The following IL17B variants were observed in gnomAD, a reference collection of about 807,000 sequenced individuals.
The protein encoded by IL17B is interleukin-17B.
A neutral mutation model predicts 14.7 loss-of-function variants in IL17B; 14 were observed. The observed-to-expected ratio is 0.95, with a 90% CI of 0.63 to 1.49. The LOEUF is 1.49. Among genes scored for constraint, IL17B ranks in the 40% most tolerant of loss-of-function variants. IL17B has a pLI of 0.00. For synonymous variants in IL17B, 105 were observed against 94.8 expected (o/e 1.11, Z -0.62); for missense variants, 233 against 252.8 (o/e 0.92, Z 0.53).
upstream of IL17B, among the ~76,000 whole-genome samples, chr5:149,380,815 G>C (rs890747541): frequency 6.6e-6 from 1 of 152,234 alleles, no homozygotes; most frequent in Non-Finnish European, 1.5e-5. Context: ...AGATTAATCT[G>C]TCCGGGGCAG....
At chr5:149,396,592 C>T (rs563638362) in intron 1 of IL17B, among the ~76,000 whole-genome samples, 17 of 152,114 alleles carry the variant, frequency 1.1e-4, no homozygotes, top group African/African-American at 4.1e-4. Flanking sequence ...CCCATCTCTA[C>T]AAAAAATACA....
chr5:149,392,713 T>C (rs1758995000), intron 1 of IL17B, among the ~76,000 whole-genome samples: 1 of 152,260 alleles, frequency 6.6e-6, no homozygotes, highest in African/African-American at 2.4e-5. Context: ...AGATATTATC[T>C]ATTCAAACAA....
chr5:149,392,473 A>G (rs2127621371), intron 1 of IL17B, among the ~76,000 whole-genome samples: 1 of 152,366 alleles, frequency 6.6e-6, no homozygotes, highest in African/African-American at 2.4e-5. Flanking sequence ...AGTAAGGTGC[A>G]TAAGAATGTG....
At chr5:149,378,894 C>T (rs1758614401) in intron 1 of IL17B, among the ~76,000 whole-genome samples, 1 of 152,212 alleles carries the variant, frequency 6.6e-6, no homozygotes, top group Admixed American at 6.5e-5. Flanking sequence ...CAAGGTCACA[C>T]AGCCAGGACC....
chr5:149,394,680 C>A (rs1246020318), intron 1 of IL17B, among the ~76,000 whole-genome samples: 1 of 152,214 alleles, frequency 6.6e-6, no homozygotes, highest in Non-Finnish European at 1.5e-5. Flanking sequence ...AGCTGGCCAA[C>A]TTTCACAATC....
rs762385908 is a variant in IL17B, at chr5:149,374,629, G to A, written c.312-29C>T. ...CAGGGAGCAGAAGAAAGAGCAGAGC[G>A]GAAGGTGATCAGGAAAGGGCCAGTC... On this transcript the variant is annotated intron_variant, in intron 2 of 2. Transcript: ENST00000261796. The surrounding 1 kb of genome is among the most constrained non-coding windows in gnomAD (Gnocchi z 5.0). 4.3e-5 allele frequency: 67 copies of A among 1,576,336 alleles called. No individual in the cohort carries two copies. The Admixed American group carries it at 4.8e-4, about 11-fold the overall frequency.
chr5:149,381,493 C>G (rs919029321), upstream of IL17B, among the ~76,000 whole-genome samples: 1 of 152,246 alleles, frequency 6.6e-6, no homozygotes, highest in African/African-American at 2.4e-5. Context: ...ACTCCGTCTC[C>G]TAAGTCATTC....
intron 1 of IL17B, among the ~76,000 whole-genome samples, chr5:149,377,569 G>A (rs950373020): frequency 1.3e-5 from 2 of 152,150 alleles, no homozygotes; most frequent in Middle Eastern, 3.2e-3. Flanking sequence ...TGTCCCCATC[G>A]CTGCCCTTCT....
chr5:149,394,275 GCTTTCTAA>G (rs1374796490), intron 1 of IL17B, among the ~76,000 whole-genome samples: 1 of 152,146 alleles, frequency 6.6e-6, no homozygotes, highest in Non-Finnish European at 1.5e-5. Flanking sequence ...TGTGCACCCA[GCTTTCTAA>G]CTGCGGCCAT....
At chr5:149,379,444 G>A (rs1479151953), upstream of IL17B, among the ~76,000 whole-genome samples, 2 of 152,234 alleles carry the variant, frequency 1.3e-5, no homozygotes, top group African/African-American at 4.8e-5. Context: ...GGGCAGGCCA[G>A]GAGCCGAGCT....
chr5:149,392,978 G>A (rs772901028), intron 1 of IL17B, among the ~76,000 whole-genome samples: 32 of 143,068 alleles, frequency 2.2e-4, no homozygotes, highest in African/African-American at 5.6e-4. Context: ...GCGCGCGTGC[G>A]TGTGTGTGTG....
intron 1 of IL17B, among the ~76,000 whole-genome samples, chr5:149,386,756 T>C (rs1758834852): frequency 6.6e-6 from 1 of 152,082 alleles, no homozygotes; most frequent in East Asian, 1.9e-4. Flanking sequence ...CAGGCTGGAG[T>C]GCACGGTGGT....
upstream of IL17B, among the ~76,000 whole-genome samples, chr5:149,379,548 C>T (rs2227444): frequency 6.4e-3 from 968 of 152,370 alleles, 8 homozygotes; most frequent in African/African-American, 0.022. Context: ...TGCGGCCGGC[C>T]GCCCAGCCAG....
At chr5:149,391,387 G>A (rs909408821) in intron 1 of IL17B, among the ~76,000 whole-genome samples, 7 of 152,248 alleles carry the variant, frequency 4.6e-5, no homozygotes, top group South Asian at 2.1e-4. Flanking sequence ...CCTCAGCCAC[G>A]GGGGTGTCAC....
intron 1 of IL17B, among the ~76,000 whole-genome samples, chr5:149,402,295 G>A (rs918971509): frequency 1.3e-5 from 2 of 152,134 alleles, no homozygotes; most frequent in Non-Finnish European, 2.9e-5. Flanking sequence ...GCTCCCCCTA[G>A]ACCAGAGAAG....
At chr5:149,392,939 C>CATGTGTGCATGT (rs1561716862) in intron 1 of IL17B, among the ~76,000 whole-genome samples, 4 of 150,248 alleles carry the variant, frequency 2.7e-5, no homozygotes, top group Non-Finnish European at 4.4e-5. Flanking sequence ...TGTGTACGTG[C>CATGTGTGCATGT]GTGTGTGCGT....
At chr5:149,391,543 G>T (rs1758965038) in intron 1 of IL17B, among the ~76,000 whole-genome samples, 1 of 152,174 alleles carries the variant, frequency 6.6e-6, no homozygotes, top group Non-Finnish European at 1.5e-5. Context: ...TCCTAAATTA[G>T]TCCTTGGCAC....
chr5:149,375,819 C>T (rs542394190), intron 2 of IL17B, among the ~76,000 whole-genome samples: 6 of 152,288 alleles, frequency 3.9e-5, no homozygotes, highest in Admixed American at 3.9e-4. Flanking sequence ...GCAGAGGCTG[C>T]AGTGAGCCGA....
chr5:149,392,108 A>G (rs1758980461), intron 1 of IL17B, among the ~76,000 whole-genome samples: 1 of 152,240 alleles, frequency 6.6e-6, no homozygotes, highest in Non-Finnish European at 1.5e-5. Context: ...GGATAGAGTA[A>G]TATCTATGAG....
Sources: gnomAD v4.1 joint callset for allele counts (sites outside exome capture counted in the v4.1 genomes callset) on GRCh38, gnomAD v4.1.1 for gene constraint, Gnocchi (gnomAD v3.1) non-coding constraint, MANE v1.5 for transcripts, NCBI Gene and HGNC (gene_info 2026-07-23, HGNC 2026-07-21) for gene names.